Variants in CFLAR observed in about 807,000 individuals in gnomAD.
CFLAR encodes the protein CASP8 and FADD like apoptosis regulator.
In CFLAR, 14 loss-of-function variants were observed where a neutral mutation model predicts 51.1. The ratio of observed to expected loss-of-function variants is 0.27; its 90% CI spans 0.18 to 0.43. CFLAR has a LOEUF of 0.43. CFLAR is among the 20% of genes least tolerant of loss of function. The probability of loss-of-function intolerance (pLI) is 1.00; values close to 1 mark genes in which losing one functional copy is unlikely to be tolerated. For synonymous variants in CFLAR, 210 were observed against 211.6 expected (o/e 0.99, Z 0.06); for missense variants, 390 against 566.5 (o/e 0.69, Z 3.16).
At position 201,166,372 on chromosome 2, in the gene CFLAR, C is replaced by A; in HGVS notation, c.*2399C>A. 1 of 165,776 alleles carries A rather than the reference C, an allele frequency of 6.0e-6. No homozygotes were observed. Among genetic ancestry groups the A allele is most frequent in the Non-Finnish European group, 1.3e-5 (1 of 77,726 alleles). The allele number at this position is 165,776 out of a possible 1,614,324, so 10.3% of individuals were successfully genotyped here. ...GCTCCTCACTTCCCAGACAGGGTGGCTGTCGGGCGGAGGGGCTCCTCACTT... is the reference window on the plus strand; with the variant it reads ...GCTCCTCACTTCCCAGACAGGGTGGATGTCGGGCGGAGGGGCTCCTCACTT... On this transcript the variant is annotated 3_prime_UTR_variant, in exon 10 of 10. Coordinates refer to ENST00000309955, the MANE Select transcript of CFLAR (RefSeq NM_003879.7).
chr2:201,136,290 A>G (rs189599633), intron 4 of CFLAR, 183 bp downstream of exon 4: 46 of 1,599,534 alleles, frequency 2.9e-5, no homozygotes, highest in Middle Eastern at 1.7e-4. Context: ...AGATCTGCCA[A>G]CTCCATTGCC....
At chr2:201,137,577 A>G (rs1282685350) in intron 4 of CFLAR, 4 of 734,054 alleles carry the variant, frequency 5.4e-6, no homozygotes, top group East Asian at 2.5e-5. Context: ...CTGGGCTGAC[A>G]TGGTCTGCTT....
intron 4 of CFLAR, chr2:201,137,660 G>C: frequency 1.3e-6 from 1 of 759,636 alleles, no homozygotes; most frequent in Admixed American, 1.7e-5. Flanking sequence ...TATCCTGGCA[G>C]CCATGCTGGA....
chr2:201,160,634 C>G lies in CFLAR; in HGVS notation c.996C>G (p.Pro332=), dbSNP rs1306647871. Residue 332 remains proline, a synonymous_variant, in exon 9 of 10, where the codon CCC becomes CCG. Coordinates refer to ENST00000309955, the MANE Select transcript of CFLAR (RefSeq NM_003879.7). ...YGVDQTHSGL[P]LHHIRRMFMG... ...TGGATCAGACTCACTCAGGGCTCCC[C>G]CTGCATCACATCAGGAGGATGTTCA... 1 of 1,613,976 alleles carries G rather than the reference C, an allele frequency of 6.2e-7. No homozygotes were observed. Among genetic ancestry groups the G allele is most frequent in the Admixed American group, 1.7e-5 (1 of 59,986 alleles).
chr2:201,137,980 TG>T, intron 4 of CFLAR: 1 of 748,368 alleles, frequency 1.3e-6, no homozygotes. Flanking sequence ...TCGGCTATGA[TG>T]GGCACACCAA....
At chr2:201,149,940 G>C (rs528735715) in intron 8 of CFLAR, 105 bp downstream of exon 8, 2 of 845,808 alleles carry the variant, frequency 2.4e-6, no homozygotes, top group African/African-American at 3.4e-5. Context: ...TGACAAACCA[G>C]TTCAAGAATC....
At position 201,127,140 on chromosome 2, in the gene CFLAR, TG is replaced by T. The variant is rs1397610196; in HGVS notation, c.-137-2583del. 2.0e-5 allele frequency among the ~76,000 whole-genome samples: 3 copies of T among 151,976 alleles called. No homozygotes were observed. The East Asian group carries it at 5.8e-4, about 29-fold the overall frequency. On this transcript the variant is annotated intron_variant, in intron 1 of 9. Transcript: ENST00000309955. ...GGAAAAGTAAACTGCTGAAAACACT[TG>T]GGGGGAGAAATGAAGCTAATGGTAT...
intron 7 of CFLAR, 40 bp from the exon 8 acceptor site, chr2:201,149,714 A>G (rs552690506): frequency 1.3e-6 from 2 of 1,486,682 alleles, no homozygotes; most frequent in South Asian, 1.1e-5. Flanking sequence ...GAAACAGAGC[A>G]ATATCCAGAG....
chr2:201,129,837 C>T lies in CFLAR; in HGVS notation c.-29C>T, dbSNP rs1222761768. The stretch of plus-strand genomic sequence containing the variant: ...TGGCCCGGAGCTGTACTGCAAGACC[C>T]TTGTGAGCTTCCCTAGTCTAAGAGT... On this transcript the variant is annotated 5_prime_UTR_variant, in exon 2 of 10. Transcript: ENST00000309955. 2.5e-6 allele frequency: 4 copies of T among 1,608,658 alleles called. No homozygotes were observed. In the African/African-American group the frequency reaches 4.0e-5, roughly 16 times the overall value.
intron 6 of CFLAR, chr2:201,146,366 CA>C (rs1011388708): frequency 2.6e-5 from 4 of 152,162 alleles, no homozygotes; most frequent in Admixed American, 1.3e-4. Flanking sequence ...AGGCTGGTCT[CA>C]AACTTCTGAC....
chr2:201,134,607 C>A (rs1362211536), intron 3 of CFLAR, among the ~76,000 whole-genome samples: 1 of 150,366 alleles, frequency 6.7e-6, no homozygotes, highest in South Asian at 2.1e-4. Flanking sequence ...TGCACTCCAG[C>A]CTGGGCTATA....
intron 8 of CFLAR, among the ~76,000 whole-genome samples, chr2:201,152,319 T>G (rs1941417142): frequency 6.6e-6 from 1 of 152,016 alleles, no homozygotes; most frequent in South Asian, 2.1e-4. Flanking sequence ...AATTTAAATT[T>G]TATTTTTATT....
chr2:201,117,842 G>A (rs1038608648), intron 1 of CFLAR, among the ~76,000 whole-genome samples: 5 of 142,468 alleles, frequency 3.5e-5, no homozygotes, highest in African/African-American at 1.3e-4. Context: ...CGCAACCTCC[G>A]CCTGTCGGGT....
At chr2:201,152,215 G>A (rs1010607882) in intron 8 of CFLAR, among the ~76,000 whole-genome samples, 1 of 152,026 alleles carries the variant, frequency 6.6e-6, no homozygotes, top group African/African-American at 2.4e-5. Context: ...GGCTGGTCTC[G>A]AACTTGCTGA....
intron 2 of CFLAR, 41 bp downstream of exon 2, chr2:201,130,187 G>GGGC: frequency 3.4e-6 from 1 of 292,394 alleles, no homozygotes; most frequent in Non-Finnish European, 7.1e-6. Context: ...GGGTGGGAGG[G>GGGC]AGTGAAGTGT....
Position 201,169,955 on chromosome 2 carries a change from CAG to C in CFLAR, c.*5984_*5985del, listed in dbSNP as rs1943912603. 1 of 152,108 alleles carries C rather than the reference CAG, an allele frequency of 6.6e-6. No individual in the cohort carries two copies. The highest frequency in any genetic ancestry group is 2.4e-5 in the African/African-American group (1 of 41,424). The allele number at this position is 152,108 out of a possible 1,614,324, so 9.4% of individuals were successfully genotyped here. On this transcript the variant is annotated 3_prime_UTR_variant, in exon 10 of 10. Transcript: ENST00000309955. ...TGATTATTAAAAAGTCAAAAAACAA[CAG>C]ATGCTGGCGAGGCTGTGGAGAAGTA...
chr2:201,135,088 T>C (rs2049921847), intron 3 of CFLAR, among the ~76,000 whole-genome samples: 1 of 152,228 alleles, frequency 6.6e-6, no homozygotes, highest in African/African-American at 2.4e-5. Flanking sequence ...TTCTGAAATA[T>C]CGTTCGTTCA....
At chr2:201,141,726 T>G in intron 5 of CFLAR, 1 of 893,398 alleles carries the variant, frequency 1.1e-6, no homozygotes, top group Non-Finnish European at 1.4e-6. Context: ...TCACTTATGG[T>G]TGTTGTGTTC....
intron 1 of CFLAR, among the ~76,000 whole-genome samples, chr2:201,120,737 C>G (rs903213405): frequency 1.3e-5 from 2 of 152,148 alleles, no homozygotes; most frequent in Non-Finnish European, 2.9e-5. Flanking sequence ...TTGTGAAATT[C>G]TTGAGTTTTT....
Sources: allele counts gnomAD v4.1 joint callset (sites outside exome capture counted in the v4.1 genomes callset), GRCh38; gene constraint gnomAD v4.1.1; transcripts MANE v1.5; gene names NCBI Gene and HGNC (gene_info 2026-07-23, HGNC 2026-07-21).